Variants in TMEM128 observed in about 807,000 individuals in gnomAD.
TMEM128 encodes transmembrane protein 128.
A neutral mutation model predicts 19.7 loss-of-function variants in TMEM128; 16 were observed. The observed-to-expected ratio is 0.81, with a 90% CI of 0.55 to 1.23. The LOEUF is 1.23. TMEM128 is among the 50% of genes most tolerant of loss of function. The pLI, the probability that TMEM128 is intolerant of heterozygous loss-of-function variation, is 0.00. For synonymous variants in TMEM128, 98 were observed against 75.8 expected (o/e 1.29, Z -1.52); for missense variants, 237 against 200.8 (o/e 1.18, Z -1.09).
intron 1 of TMEM128, chr4:4,247,473 C>T (rs1158735154): frequency 1.6e-6 from 2 of 1,270,484 alleles, no homozygotes; most frequent in Admixed American, 2.5e-5. Context: ...TAAAAAATAT[C>T]CAAAATGAAG....
intron 1 of TMEM128, among the ~76,000 whole-genome samples, chr4:4,247,280 G>A (rs1234868867): frequency 2.6e-5 from 4 of 152,188 alleles, no homozygotes; most frequent in African/African-American, 7.2e-5. Context: ...AGGTTCACGT[G>A]AGAATCAATG....
At position 4,248,212 on chromosome 4, in the gene TMEM128, G is replaced by A. The variant is rs1233849396; in HGVS notation, c.-10C>T. 6.0e-6 allele frequency: 9 copies of A among 1,492,470 alleles called. No individual in the cohort carries two copies. Among genetic ancestry groups the A allele is most frequent in the Admixed American group, 2.2e-5 (1 of 45,080 alleles). The allele number at this position is 1,492,470 out of a possible 1,614,324, so 92.5% of individuals were successfully genotyped here. A position where few individuals can be genotyped will look rare whatever the true frequency, so the allele number is the denominator to read the frequency against. The stretch of plus-strand genomic sequence containing the variant: ...CCCGCGAGGAGTCCATCTTGGTACC[G>A]CCCCGAAATGCGACGGAAGTGACGT... On this transcript the variant is annotated 5_prime_UTR_variant, in exon 1 of 5. Transcript: ENST00000382753.
intron 2 of TMEM128, among the ~76,000 whole-genome samples, chr4:4,243,498 C>G (rs1560219649): frequency 1.3e-5 from 2 of 152,204 alleles, no homozygotes; most frequent in Admixed American, 6.5e-5. Flanking sequence ...CCTCAGGCGT[C>G]AGAAGAACGA....
At chr4:4,247,565 CTA>C in intron 1 of TMEM128, 1 of 1,614,004 alleles carries the variant, frequency 6.2e-7, no homozygotes, top group Non-Finnish European at 8.5e-7. Context: ...CTTCCATATT[CTA>C]TGCATTCACA....
At chr4:4,237,564 C>T (rs1717770378) in intron 4 of TMEM128, among the ~76,000 whole-genome samples, 1 of 152,148 alleles carries the variant, frequency 6.6e-6, no homozygotes, top group Non-Finnish European at 1.5e-5. Flanking sequence ...ATTGCTTGAG[C>T]CCCCAAGTGG....
At chr4:4,243,496 G>A (rs565157700) in intron 2 of TMEM128, among the ~76,000 whole-genome samples, 2 of 152,266 alleles carry the variant, frequency 1.3e-5, no homozygotes, top group East Asian at 1.9e-4. Flanking sequence ...CACCTCAGGC[G>A]TCAGAAGAAC....
At chr4:4,241,244 G>A (rs376147477) in intron 2 of TMEM128, among the ~76,000 whole-genome samples, 3 of 152,310 alleles carry the variant, frequency 2.0e-5, no homozygotes, top group African/African-American at 7.2e-5. Context: ...AGACAATTAG[G>A]AAGATCAATA....
In TMEM128 at chr4:4,240,321, CA is replaced by C. The variant is rs751490924; in HGVS notation, c.397del (p.Cys133AlafsTer78). ...GTTAGTCATTTCAAAGTTAACTTAC[CA>C]AATTCCTGCTGCAATAAAGGAGGCA... ...TTASFIAAGI[C>X]FNIALWHVWS... On this transcript the variant is annotated frameshift_variant and splice_region_variant, in exon 3 of 5. Coordinates refer to ENST00000382753, the MANE Select transcript of TMEM128 (RefSeq NM_001297551.2). LOFTEE classifies it high-confidence loss of function. 3.1e-6 allele frequency: 5 copies of C among 1,611,290 alleles called. No individual in the cohort carries two copies. Among genetic ancestry groups the C allele is most frequent in the Non-Finnish European group, 4.2e-6 (5 of 1,178,700 alleles).
chr4:4,237,525 C>T (rs899514232), intron 4 of TMEM128, among the ~76,000 whole-genome samples: 3 of 152,140 alleles, frequency 2.0e-5, no homozygotes, highest in African/African-American at 7.2e-5. Context: ...GCTTATAATA[C>T]CAGCTACTTG....
intron 2 of TMEM128, among the ~76,000 whole-genome samples, chr4:4,242,281 C>G (rs76766052): frequency 0.022 from 3,293 of 149,450 alleles, 50 homozygotes; most frequent in Non-Finnish European, 0.034. Context: ...CTCTCTTCTG[C>G]TAGAGCATGC....
At chr4:4,238,392 A>G (rs1385661086) in intron 3 of TMEM128, among the ~76,000 whole-genome samples, 2 of 152,252 alleles carry the variant, frequency 1.3e-5, no homozygotes, top group Non-Finnish European at 2.9e-5. Flanking sequence ...TCCTGTCATC[A>G]AAGTAAAATT....
chr4:4,237,285 A>C (rs1440037033), intron 4 of TMEM128, among the ~76,000 whole-genome samples: 12 of 152,200 alleles, frequency 7.9e-5, no homozygotes, highest in Admixed American at 7.9e-4. Flanking sequence ...AATTAATATA[A>C]TTTCAACATA....
intron 2 of TMEM128, among the ~76,000 whole-genome samples, chr4:4,242,754 G>C (rs1452015898): frequency 1.3e-5 from 2 of 151,972 alleles, no homozygotes; most frequent in East Asian, 3.9e-4. Context: ...CCTGACCTCA[G>C]GTGATCCATC....
chr4:4,246,967 A>G (rs1423944169), intron 1 of TMEM128, among the ~76,000 whole-genome samples: 1 of 151,958 alleles, frequency 6.6e-6, no homozygotes, highest in Admixed American at 6.6e-5. Flanking sequence ...AGGCTGCTCT[A>G]TTTGGCCAGG....
In TMEM128 at chr4:4,240,337, T is replaced by A; in HGVS notation, c.382A>T (p.Ile128Phe). ...TTAACTTACCAAATTCCTGCTGCAA[T>A]AAAGGAGGCAGTGGTAATGGGTATC... The part of the protein sequence containing the change: ...ALIPITTASF[I>F]AAGICFNIAL... The change falls in exon 3 of 5, where the codon ATT (isoleucine) becomes TTT (phenylalanine). Residue 128 changes from isoleucine to phenylalanine, a missense_variant. Transcript: ENST00000382753. The A allele has an allele frequency of 1.2e-6, 2 of 1,613,358 alleles. No individual in the cohort carries two copies. Among genetic ancestry groups the A allele is most frequent in the Non-Finnish European group, 1.7e-6 (2 of 1,179,812 alleles).
chr4:4,240,617 T>G (rs1207359461), intron 2 of TMEM128, 138 bp from the exon 3 acceptor site: 3 of 938,090 alleles, frequency 3.2e-6, no homozygotes, highest in African/African-American at 1.7e-5. Flanking sequence ...AAACAATCCA[T>G]GCTTTCAGAA....
intron 3 of TMEM128, 110 bp downstream of exon 3, chr4:4,240,211 T>C (rs1339715285): frequency 5.6e-6 from 6 of 1,076,948 alleles, no homozygotes; most frequent in Non-Finnish European, 8.0e-6. Flanking sequence ...CAGGAGACTA[T>C]TTTTCTGTTT....
At chr4:4,246,743 T>G (rs905168552) in intron 1 of TMEM128, among the ~76,000 whole-genome samples, 4 of 147,648 alleles carry the variant, frequency 2.7e-5, no homozygotes, top group African/African-American at 7.4e-5. Flanking sequence ...AAGAACACTT[T>G]TATAACTAAA....
intron 2 of TMEM128, 42 bp from the exon 3 acceptor site, chr4:4,240,521 G>A: frequency 6.3e-7 from 1 of 1,586,650 alleles, no homozygotes; most frequent in Non-Finnish European, 8.6e-7. Flanking sequence ...AGCACTTAAT[G>A]AATCGTCACA....
Sources: gnomAD v4.1 joint callset for allele counts (sites outside exome capture counted in the v4.1 genomes callset) on GRCh38, gnomAD v4.1.1 for gene constraint, MANE v1.5 for transcripts, NCBI Gene and HGNC (gene_info 2026-07-23, HGNC 2026-07-21) for gene names.